The following SERGEF variants were observed in gnomAD, a reference collection of about 807,000 sequenced individuals.
SERGEF encodes the protein secretion-regulating guanine nucleotide exchange factor.
In SERGEF, 51 loss-of-function variants were observed where a neutral mutation model predicts 50.0. That is an observed-to-expected ratio of 1.02 (90% CI 0.81 to 1.29). The LOEUF (loss-of-function observed/expected upper bound fraction) is 1.29. Ranked by LOEUF, SERGEF falls within the 50% of genes most tolerant of loss-of-function variation. SERGEF has a pLI of 0.00. For synonymous variants in SERGEF, 205 were observed against 212.4 expected, an observed-to-expected ratio of 0.97 and a Z score of 0.30; for missense variants, 521 against 557.0, an observed-to-expected ratio of 0.94 and a Z score of 0.65.
chr11:17,929,322 T>C (rs1341314146), intron 9 of SERGEF, among the ~76,000 whole-genome samples: 2 of 152,160 alleles, frequency 1.3e-5, no homozygotes, highest in African/African-American at 4.8e-5. Flanking sequence ...TCAAACTTCA[T>C]GCTCAAGGCA....
intron 9 of SERGEF, among the ~76,000 whole-genome samples, chr11:17,906,461 AG>A (rs1186570336): frequency 1.3e-5 from 2 of 151,634 alleles, no homozygotes; most frequent in African/African-American, 4.8e-5. Flanking sequence ...AAATGGCCAC[AG>A]GAACAATCAC....
chr11:17,892,128 G>T (rs1851542747), intron 9 of SERGEF, among the ~76,000 whole-genome samples: 1 of 152,164 alleles, frequency 6.6e-6, no homozygotes, highest in South Asian at 2.1e-4. Context: ...ATGCCTAGAA[G>T]ATAGTAAAAC....
chr11:17,859,901 C>G (rs2133881678), intron 10 of SERGEF, among the ~76,000 whole-genome samples: 1 of 152,328 alleles, frequency 6.6e-6, no homozygotes, highest in Admixed American at 6.5e-5. Flanking sequence ...AAAAATTTAT[C>G]TTCAACTCCT....
At chr11:17,910,425 A>T (rs547375848) in intron 9 of SERGEF, among the ~76,000 whole-genome samples, 124 of 152,082 alleles carry the variant, frequency 8.2e-4, no homozygotes, top group Middle Eastern at 3.4e-3. Flanking sequence ...ATTAAAAAAA[A>T]TTTTTTTATA....
intron 9 of SERGEF, among the ~76,000 whole-genome samples, chr11:17,932,057 GA>G (rs59428595): frequency 0.46 from 69,512 of 150,894 alleles, 17,812 homozygotes; most frequent in Middle Eastern, 0.64. Context: ...TGGTGTTTTG[GA>G]AAAAAAAACA....
At chr11:18,004,034 C>T (rs1854021211) in intron 4 of SERGEF, among the ~76,000 whole-genome samples, 1 of 152,142 alleles carries the variant, frequency 6.6e-6, no homozygotes, top group Non-Finnish European at 1.5e-5. Context: ...TTTTAAATTA[C>T]ATATGGCTCA....
intron 10 of SERGEF, among the ~76,000 whole-genome samples, chr11:17,840,759 AGC>A (rs1565182159): frequency 6.6e-6 from 1 of 152,194 alleles, no homozygotes; most frequent in African/African-American, 2.4e-5. Flanking sequence ...TCAGCAGCTC[AGC>A]ATCCTAGAGA....
intron 10 of SERGEF, among the ~76,000 whole-genome samples, chr11:17,858,979 G>T (rs1850874353): frequency 6.6e-6 from 1 of 152,124 alleles, no homozygotes; most frequent in South Asian, 2.1e-4. Context: ...CCTGAGATCT[G>T]CCGTTCCTCT....
At chr11:17,846,006 C>A (rs949636438) in intron 10 of SERGEF, among the ~76,000 whole-genome samples, 3 of 152,138 alleles carry the variant, frequency 2.0e-5, no homozygotes, top group African/African-American at 7.2e-5. Flanking sequence ...CGTCATGCAG[C>A]CTGGGACCAG....
intron 8 of SERGEF, among the ~76,000 whole-genome samples, chr11:17,973,910 G>A (rs953384791): frequency 1.3e-5 from 2 of 152,146 alleles, no homozygotes; most frequent in Non-Finnish European, 2.9e-5. Context: ...AGGCCACTGA[G>A]GAGAACATAC....
At chr11:17,948,561 A>G (rs1447771065) in intron 9 of SERGEF, among the ~76,000 whole-genome samples, 2 of 152,208 alleles carry the variant, frequency 1.3e-5, no homozygotes, top group African/African-American at 4.8e-5. Flanking sequence ...AAATTACTGA[A>G]TCACCTTTTT....
At chr11:17,913,757 T>C (rs1037366287) in intron 9 of SERGEF, among the ~76,000 whole-genome samples, 6 of 151,902 alleles carry the variant, frequency 3.9e-5, no homozygotes, top group African/African-American at 7.3e-5. Flanking sequence ...AAAAGAGACC[T>C]GTGGCTGCAG....
chr11:17,877,974 G>A (rs1412716858), intron 10 of SERGEF: 18 of 425,510 alleles, frequency 4.2e-5, no homozygotes, highest in African/African-American at 4.1e-5. Flanking sequence ...GCCACTTCCC[G>A]GGCAGGGAGG....
At chr11:17,843,181 C>T (rs1014510044) in intron 10 of SERGEF, among the ~76,000 whole-genome samples, 1 of 152,156 alleles carries the variant, frequency 6.6e-6, no homozygotes, top group Non-Finnish European at 1.5e-5. Flanking sequence ...GATGCCTGGG[C>T]CTCAGTGAGA....
At chr11:17,942,615 T>C (rs1852582800) in intron 9 of SERGEF, among the ~76,000 whole-genome samples, 2 of 152,150 alleles carry the variant, frequency 1.3e-5, no homozygotes, top group African/African-American at 4.8e-5. Flanking sequence ...TCTTGCTTTA[T>C]GGCACTGGCT....
chr11:17,790,480 C>T (rs888842653), intron 10 of SERGEF, among the ~76,000 whole-genome samples: 5 of 152,058 alleles, frequency 3.3e-5, no homozygotes, highest in African/African-American at 1.2e-4. Flanking sequence ...ATTTCACTTA[C>T]CCATGTCCCT....
chr11:17,982,760 T>A (rs1853518296), intron 8 of SERGEF, among the ~76,000 whole-genome samples: 1 of 152,268 alleles, frequency 6.6e-6, no homozygotes. Flanking sequence ...TTTCTTGGGC[T>A]GTGACACTTG....
chr11:17,913,270 C>T (rs1255083324), intron 9 of SERGEF, among the ~76,000 whole-genome samples: 2 of 152,230 alleles, frequency 1.3e-5, no homozygotes, highest in Non-Finnish European at 2.9e-5. Flanking sequence ...CAGCCCCACA[C>T]ACATATGGCA....
intron 8 of SERGEF, 90 bp from the exon 9 acceptor site, chr11:17,959,726 T>G: frequency 8.6e-7 from 1 of 1,165,112 alleles, no homozygotes. Flanking sequence ...GTGTGACATT[T>G]ATTTTAGTAC....
Sources: allele counts gnomAD v4.1 joint callset (sites outside exome capture counted in the v4.1 genomes callset), GRCh38; gene constraint gnomAD v4.1.1; transcripts MANE v1.5; gene names NCBI Gene and HGNC (gene_info 2026-07-23, HGNC 2026-07-21).